The following HAT1 variants were observed in gnomAD, a reference collection of about 807,000 sequenced individuals.
HAT1 encodes the protein histone acetyltransferase 1.
HAT1 carries 20 observed loss-of-function variants against 56.6 expected under a neutral mutation model. That is an observed-to-expected ratio of 0.35 (90% CI 0.25 to 0.51). The LOEUF (loss-of-function observed/expected upper bound fraction) is 0.51. Ranked by LOEUF, HAT1 falls within the 20% of genes least tolerant of loss-of-function variation. The probability of loss-of-function intolerance (pLI) is 0.95; values close to 1 mark genes in which losing one functional copy is unlikely to be tolerated. For synonymous variants in HAT1, 146 were observed against 165.5 expected (o/e 0.88, Z 0.91); for missense variants, 408 against 504.3 (o/e 0.81, Z 1.83).
intron 8 of HAT1, among the ~76,000 whole-genome samples, chr2:171,967,343 G>A: frequency 6.6e-6 from 1 of 152,106 alleles, no homozygotes; most frequent in East Asian, 1.9e-4. Flanking sequence ...AAAAAGTCAA[G>A]GTAAATACTT....
chr2:171,946,698 C>A lies in HAT1; in HGVS notation c.113-10C>A. 3 of 1,520,238 alleles carry A rather than the reference C, an allele frequency of 2.0e-6. No homozygotes were observed. Among genetic ancestry groups the A allele is most frequent in the African/African-American group, 1.4e-5 (1 of 72,754 alleles). The allele number at this position is 1,520,238 out of a possible 1,614,324, so 94.2% of individuals were successfully genotyped here. ...CTTTAATATCTCTATTTTTTTGTCC[C>A]TTGAAACAGTTCGTTTTCCTGAAGA... is the stretch of plus-strand genomic sequence containing the variant. On this transcript the variant is annotated splice_polypyrimidine_tract_variant and intron_variant, in intron 2 of 10. Transcript: ENST00000264108.
At chr2:171,930,988 TCA>T (rs1686732505) in intron 2 of HAT1, among the ~76,000 whole-genome samples, 1 of 152,066 alleles carries the variant, frequency 6.6e-6, no homozygotes, top group African/African-American at 2.4e-5. Flanking sequence ...ATGAAGAAAG[TCA>T]CAGTTTTTCT....
chr2:171,967,662 CA>C (rs1260482119), intron 8 of HAT1, among the ~76,000 whole-genome samples: 4 of 152,068 alleles, frequency 2.6e-5, no homozygotes, highest in African/African-American at 7.2e-5. Flanking sequence ...TTCTAACTTT[CA>C]AATTTGTTGT....
At chr2:171,975,088 C>T (rs1459233636) in intron 8 of HAT1, among the ~76,000 whole-genome samples, 2 of 149,708 alleles carry the variant, frequency 1.3e-5, no homozygotes, top group Non-Finnish European at 3.0e-5. Context: ...GAAAGTGTTT[C>T]CTCTATTTTC....
At chr2:171,955,787 A>C (rs941389053) in intron 4 of HAT1, among the ~76,000 whole-genome samples, 2 of 151,902 alleles carry the variant, frequency 1.3e-5, no homozygotes, top group Admixed American at 1.3e-4. Flanking sequence ...GCTCATGCCT[A>C]TAATCCCACA....
chr2:171,967,905 C>CAA (rs1186526007), intron 8 of HAT1, among the ~76,000 whole-genome samples: 1 of 138,612 alleles, frequency 7.2e-6, no homozygotes. Context: ...CCACCCCCAC[C>CAA]AAAAAAAAAA....
intron 2 of HAT1, among the ~76,000 whole-genome samples, chr2:171,942,210 ATAGGTTTT>A (rs1558967010): frequency 6.6e-6 from 1 of 152,110 alleles, no homozygotes; most frequent in African/African-American, 2.4e-5. Flanking sequence ...CAGCTGCAAC[ATAGGTTTT>A]TAGTGCTTAT....
intron 2 of HAT1, among the ~76,000 whole-genome samples, chr2:171,940,332 C>T (rs1430328188): frequency 6.6e-6 from 1 of 152,218 alleles, no homozygotes; most frequent in Non-Finnish European, 1.5e-5. Flanking sequence ...ACTCGTCAAC[C>T]TGGATTGTGC....
chr2:171,974,892 C>G (rs1289199461), intron 8 of HAT1, among the ~76,000 whole-genome samples: 3 of 152,052 alleles, frequency 2.0e-5, no homozygotes, highest in Non-Finnish European at 4.4e-5. Flanking sequence ...GGATGTTAAA[C>G]CAACTTTGCA....
At chr2:171,982,420 C>T (rs1322826235) in intron 10 of HAT1, among the ~76,000 whole-genome samples, 1 of 152,234 alleles carries the variant, frequency 6.6e-6, no homozygotes, top group Non-Finnish European at 1.5e-5. Flanking sequence ...CCTAAATCTG[C>T]CCTGTCCTCT....
chr2:171,940,971 A>C (rs559320991), intron 2 of HAT1, among the ~76,000 whole-genome samples: 4 of 152,304 alleles, frequency 2.6e-5, no homozygotes, highest in African/African-American at 9.6e-5. Context: ...ACTTACCAAA[A>C]CTGTGACTGA....
Position 171,969,954 on chromosome 2 carries a change from C to A in HAT1, c.823+3005C>A, listed in dbSNP as rs189780628. On this transcript the variant is annotated intron_variant, in intron 8 of 10. Coordinates refer to ENST00000264108, the MANE Select transcript of HAT1 (RefSeq NM_003642.4). ...GTTGCTTGAGCTCAGGGGTTCAAGACCAGCCTGGGCAACATAGGGAGATTC... is the reference window on the plus strand; with the variant it reads ...GTTGCTTGAGCTCAGGGGTTCAAGAACAGCCTGGGCAACATAGGGAGATTC... Among the ~76,000 whole-genome samples, 9 of 152,014 alleles carry A rather than the reference C, an allele frequency of 5.9e-5. No individual in the cohort carries two copies. The East Asian group carries it at 1.7e-3, about 29-fold the overall frequency.
At chr2:171,974,390 T>G (rs1356892661) in intron 8 of HAT1, among the ~76,000 whole-genome samples, 1 of 152,178 alleles carries the variant, frequency 6.6e-6, no homozygotes, top group Non-Finnish European at 1.5e-5. Flanking sequence ...ATTGATTGTT[T>G]TAGTATGTAG....
At chr2:171,950,035 CT>C (rs987686083) in intron 3 of HAT1, among the ~76,000 whole-genome samples, 1 of 152,184 alleles carries the variant, frequency 6.6e-6, no homozygotes, top group African/African-American at 2.4e-5. Context: ...CATGGAACCC[CT>C]GGTTTGTTGT....
At chr2:171,956,416 G>A (rs1687450630) in intron 4 of HAT1, among the ~76,000 whole-genome samples, 1 of 151,830 alleles carries the variant, frequency 6.6e-6, no homozygotes, top group Non-Finnish European at 1.5e-5. Context: ...GGAGCCTGAG[G>A]TGGGAGACTG....
chr2:171,966,555 A>AGTTCCTTCTTCT, intron 7 of HAT1, 42 bp downstream of exon 7: 1 of 893,874 alleles, frequency 1.1e-6, no homozygotes, highest in Non-Finnish European at 1.9e-6. Context: ...TTATTTCAGA[A>AGTTCCTTCTTCT]GAAGGAACTG....
chr2:171,968,904 G>A (rs959197830), intron 8 of HAT1, among the ~76,000 whole-genome samples: 17 of 152,058 alleles, frequency 1.1e-4, no homozygotes, highest in African/African-American at 3.9e-4. Flanking sequence ...TATTGAGATG[G>A]CCTTTTGCTT....
intron 8 of HAT1, among the ~76,000 whole-genome samples, chr2:171,972,459 C>T (rs1044392503): frequency 5.9e-5 from 9 of 152,096 alleles, no homozygotes; most frequent in African/African-American, 2.2e-4. Context: ...GAGATGGGGT[C>T]TCACTATGTT....
At chr2:171,940,756 A>G (rs1240449771) in intron 2 of HAT1, among the ~76,000 whole-genome samples, 1 of 152,182 alleles carries the variant, frequency 6.6e-6, no homozygotes, top group Non-Finnish European at 1.5e-5. Flanking sequence ...ACCATGTACT[A>G]TACACAGAGG....
Sources: allele counts gnomAD v4.1 joint callset (sites outside exome capture counted in the v4.1 genomes callset), GRCh38; gene constraint gnomAD v4.1.1; transcripts MANE v1.5; gene names NCBI Gene and HGNC (gene_info 2026-07-23, HGNC 2026-07-21).